Variants in BICD1 observed in about 807,000 individuals in gnomAD.
BICD1 encodes the protein BICD cargo adaptor 1.
A neutral mutation model predicts 92.5 loss-of-function variants in BICD1; 35 were observed. That is an observed-to-expected ratio of 0.38 (90% CI 0.29 to 0.50). The LOEUF (loss-of-function observed/expected upper bound fraction) is 0.50, where lower values mean the gene tolerates loss of function less well. BICD1 is among the 20% of genes least tolerant of loss of function. The pLI is 0.93. For missense variants in BICD1, 950 were observed against 1,189.8 expected (o/e 0.80, Z 2.97); for synonymous variants, 429 against 465.1 (o/e 0.92, Z 1.00).
intron 1 of BICD1, among the ~76,000 whole-genome samples, chr12:32,210,459 A>G (rs1945185900): frequency 6.6e-6 from 1 of 152,192 alleles, no homozygotes; most frequent in Non-Finnish European, 1.5e-5. Flanking sequence ...ATTTCTGTTT[A>G]TCAATTAACG....
At chr12:32,234,168 G>A (rs7962525) in intron 2 of BICD1, among the ~76,000 whole-genome samples, 1 of 152,040 alleles carries the variant, frequency 6.6e-6, no homozygotes, top group Admixed American at 6.5e-5. Flanking sequence ...GAACACTATG[G>A]ATCTCATAAG....
chr12:32,352,440 T>G (rs1465526713), intron 8 of BICD1: 1 of 148,404 alleles, frequency 6.7e-6, no homozygotes, highest in Admixed American at 6.7e-5. Context: ...GAGATGAGAT[T>G]GCGCCACTGC....
chr12:32,174,910 CCTT>C (rs1396596097), intron 1 of BICD1, among the ~76,000 whole-genome samples: 2 of 152,068 alleles, frequency 1.3e-5, no homozygotes, highest in African/African-American at 2.4e-5. Flanking sequence ...TTTATTCAAA[CCTT>C]CTTTTAGTAT....
intron 4 of BICD1, among the ~76,000 whole-genome samples, chr12:32,318,808 C>T (rs912001957): frequency 6.6e-6 from 1 of 152,122 alleles, no homozygotes; most frequent in Non-Finnish European, 1.5e-5. Flanking sequence ...GAGCTGAGAT[C>T]GTGCCATCGC....
intron 2 of BICD1, among the ~76,000 whole-genome samples, chr12:32,226,877 G>A (rs1343954791): frequency 6.6e-6 from 1 of 152,234 alleles, no homozygotes; most frequent in African/African-American, 2.4e-5. Flanking sequence ...GGAGCTCTTC[G>A]CCAGTGTGCC....
intron 9 of BICD1, 55 bp downstream of exon 9, chr12:32,367,800 C>T: frequency 6.6e-7 from 1 of 1,504,908 alleles, no homozygotes; most frequent in Non-Finnish European, 9.2e-7. Flanking sequence ...TCCATAGACC[C>T]CAGCTCCCCT....
At chr12:32,342,262 C>CTT (rs1301054113) in intron 8 of BICD1, among the ~76,000 whole-genome samples, 2 of 75,146 alleles carry the variant, frequency 2.7e-5, no homozygotes, top group Admixed American at 1.3e-4. Context: ...GTTTTTTTTT[C>CTT]TTTTTTTTTT....
chr12:32,237,603 TTC>T (rs1375473326), intron 2 of BICD1, among the ~76,000 whole-genome samples: 3 of 152,140 alleles, frequency 2.0e-5, no homozygotes, highest in African/African-American at 7.2e-5. Flanking sequence ...TCATTGAACA[TTC>T]TAAAAATCCT....
chr12:32,355,750 C>T (rs1166442863), intron 8 of BICD1, among the ~76,000 whole-genome samples: 2 of 151,046 alleles, frequency 1.3e-5, no homozygotes, highest in East Asian at 1.9e-4. Flanking sequence ...TGCAGTGAGC[C>T]GAGATGGAGA....
chr12:32,164,909 C>T (rs1464076110), intron 1 of BICD1, among the ~76,000 whole-genome samples: 1 of 152,138 alleles, frequency 6.6e-6, no homozygotes, highest in Non-Finnish European at 1.5e-5. Context: ...TAATGAGCTC[C>T]CTGACAACTG....
intron 1 of BICD1, among the ~76,000 whole-genome samples, chr12:32,121,044 C>T (rs1188824260): frequency 1.3e-5 from 2 of 149,314 alleles, no homozygotes; most frequent in African/African-American, 2.5e-5. Flanking sequence ...TCTCAGCTCA[C>T]TGCAGCCACC....
At chr12:32,218,810 G>C (rs556355474) in intron 2 of BICD1, among the ~76,000 whole-genome samples, 1 of 152,330 alleles carries the variant, frequency 6.6e-6, no homozygotes, top group Admixed American at 6.5e-5. Context: ...TGATGAGTGA[G>C]AGCTGGTGAT....
rs1398481278 is a variant in BICD1, at chr12:32,328,859, G to T, written c.2100+304G>T. Among the ~76,000 whole-genome samples, 1 of 152,120 alleles carries T rather than the reference G, an allele frequency of 6.6e-6. No individual in the cohort carries two copies. Among genetic ancestry groups the T allele is most frequent in the Non-Finnish European group, 1.5e-5 (1 of 68,030 alleles). ...TCAGGCGGTGCTGGGCTGAAGCCTGGCAGTGAGTGGCTGTGGAAACAGGAG... is the reference window on the plus strand; with the variant it reads ...TCAGGCGGTGCTGGGCTGAAGCCTGTCAGTGAGTGGCTGTGGAAACAGGAG... On this transcript the variant is annotated intron_variant, in intron 5 of 9. Transcript: ENST00000652176. The surrounding 1 kb of genome is among the most constrained non-coding windows in gnomAD (Gnocchi z 4.4).
chr12:32,244,953 G>A (rs997563167), intron 2 of BICD1, among the ~76,000 whole-genome samples: 1 of 151,976 alleles, frequency 6.6e-6, no homozygotes, highest in Non-Finnish European at 1.5e-5. Context: ...TAAAATGCAA[G>A]CTCTTCTGAA....
At chr12:32,303,107 T>C (rs10771933) in intron 3 of BICD1, among the ~76,000 whole-genome samples, 25,220 of 151,402 alleles carry the variant, frequency 0.17, 2,688 homozygotes, top group African/African-American at 0.29. Context: ...GCTAATTTTC[T>C]TATTTTTTGT....
intron 2 of BICD1, among the ~76,000 whole-genome samples, chr12:32,276,960 C>G (rs1947290189): frequency 8.2e-6 from 1 of 121,348 alleles, no homozygotes; most frequent in African/African-American, 2.7e-5. Context: ...TTCAAACATT[C>G]TTTCTCATTT....
chr12:32,137,340 C>T (rs150859171), intron 1 of BICD1, among the ~76,000 whole-genome samples: 7 of 152,140 alleles, frequency 4.6e-5, no homozygotes, highest in African/African-American at 1.4e-4. Context: ...CAGCCTGCCT[C>T]GGCCTTTCAA....
At chr12:32,158,020 G>A (rs1015881256) in intron 1 of BICD1, among the ~76,000 whole-genome samples, 1 of 151,790 alleles carries the variant, frequency 6.6e-6, no homozygotes, top group Non-Finnish European at 1.5e-5. Context: ...ATTAAATGAG[G>A]CTGGGCTCAG....
chr12:32,264,748 C>CA (rs1052853451), intron 2 of BICD1, among the ~76,000 whole-genome samples: 28 of 152,282 alleles, frequency 1.8e-4, no homozygotes, highest in Middle Eastern at 3.4e-3. Context: ...CTTGGCCTCC[C>CA]AAAATGCTGG....
Sources: gnomAD v4.1 joint callset for allele counts (sites outside exome capture counted in the v4.1 genomes callset) on GRCh38, gnomAD v4.1.1 for gene constraint, Gnocchi (gnomAD v3.1) non-coding constraint, MANE v1.5 for transcripts, NCBI Gene and HGNC (gene_info 2026-07-23, HGNC 2026-07-21) for gene names.